The following TESK2 variants were observed in gnomAD, a reference collection of about 807,000 sequenced individuals.
The protein encoded by TESK2 is dual specificity testis-specific protein kinase 2.
Under a neutral mutation model 57.1 loss-of-function variants are expected in TESK2, and 39 were observed. That is an observed-to-expected ratio of 0.68 (90% CI 0.53 to 0.89). TESK2 has a LOEUF of 0.89. TESK2 is among the 40% of genes least tolerant of loss of function. TESK2 has a pLI of 0.00. For missense variants in TESK2, 646 were observed against 732.1 expected, an observed-to-expected ratio of 0.88 and a Z score of 1.36; for synonymous variants, 249 against 267.9, an observed-to-expected ratio of 0.93 and a Z score of 0.69.
chr1:45,466,907 T>C (rs1377618590), intron 1 of TESK2, among the ~76,000 whole-genome samples: 1 of 151,980 alleles, frequency 6.6e-6, no homozygotes, highest in African/African-American at 2.4e-5. Flanking sequence ...CACAAAGTTA[T>C]TGATTAAATG....
intron 1 of TESK2, among the ~76,000 whole-genome samples, chr1:45,482,719 C>T (rs1653280007): frequency 6.6e-6 from 1 of 150,990 alleles, no homozygotes; most frequent in Non-Finnish European, 1.5e-5. Context: ...GTTGCTCACA[C>T]CTGTAATCCA....
intron 2 of TESK2, among the ~76,000 whole-genome samples, chr1:45,452,985 G>A (rs1166312485): frequency 6.6e-6 from 1 of 151,808 alleles, no homozygotes; most frequent in Non-Finnish European, 1.5e-5. Flanking sequence ...CCAGGAGGAT[G>A]CAGTCAGCTA....
At chr1:45,373,890 T>C (rs1648303169) in intron 4 of TESK2, among the ~76,000 whole-genome samples, 1 of 152,210 alleles carries the variant, frequency 6.6e-6, no homozygotes, top group Non-Finnish European at 1.5e-5. Context: ...GATTCCAAAG[T>C]TGGAACAGCT....
intron 3 of TESK2, among the ~76,000 whole-genome samples, chr1:45,400,857 A>G (rs1006667683): frequency 4.6e-5 from 7 of 151,424 alleles, no homozygotes; most frequent in East Asian, 3.9e-4. Context: ...CCCCATCTCT[A>G]CTAAAAATAT....
At chr1:45,484,924 G>C (rs899568545) in intron 1 of TESK2, among the ~76,000 whole-genome samples, 40 of 148,906 alleles carry the variant, frequency 2.7e-4, no homozygotes, top group Non-Finnish European at 5.4e-4. Flanking sequence ...CCAGCTACTC[G>C]GGAGGCCGAG....
intron 4 of TESK2, among the ~76,000 whole-genome samples, chr1:45,356,418 G>A (rs936852186): frequency 6.6e-6 from 1 of 151,978 alleles, no homozygotes; most frequent in African/African-American, 2.4e-5. Flanking sequence ...CTTGAGCTCA[G>A]GAGTTCAGAC....
At chr1:45,487,102 T>C (rs760611245) in intron 1 of TESK2, among the ~76,000 whole-genome samples, 3 of 152,126 alleles carry the variant, frequency 2.0e-5, no homozygotes, top group Admixed American at 6.6e-5. Context: ...GTGCTGGGAT[T>C]ACAGGTGTGA....
intron 1 of TESK2, among the ~76,000 whole-genome samples, chr1:45,479,004 G>A (rs895571623): frequency 2.0e-5 from 3 of 152,122 alleles, no homozygotes; most frequent in African/African-American, 7.2e-5. Flanking sequence ...GATTACAGGG[G>A]TGAGCAACCA....
intron 3 of TESK2, chr1:45,398,831 C>A: frequency 2.6e-6 from 1 of 386,404 alleles, no homozygotes. Flanking sequence ...CATTTCTAGG[C>A]CTGTTCCATA....
chr1:45,438,362 G>A (rs1651312340), intron 2 of TESK2, among the ~76,000 whole-genome samples: 1 of 152,104 alleles, frequency 6.6e-6, no homozygotes, highest in Admixed American at 6.6e-5. Flanking sequence ...CAGGCATGGT[G>A]GTAGGCACCT....
At chr1:45,375,758 C>T (rs2149271458) in intron 4 of TESK2, among the ~76,000 whole-genome samples, 1 of 152,050 alleles carries the variant, frequency 6.6e-6, no homozygotes, top group East Asian at 1.9e-4. Flanking sequence ...TAAAGTTAAA[C>T]TTAAAAAAAA....
At chr1:45,370,805 T>A (rs774309598) in intron 4 of TESK2, among the ~76,000 whole-genome samples, 2 of 151,520 alleles carry the variant, frequency 1.3e-5, no homozygotes, top group Non-Finnish European at 2.9e-5. Context: ...AAGTGAGGAG[T>A]GAGGCCATAG....
chr1:45,417,835 C>T (rs184681010), intron 3 of TESK2, among the ~76,000 whole-genome samples: 1 of 152,256 alleles, frequency 6.6e-6, no homozygotes, highest in African/African-American at 2.4e-5. Flanking sequence ...TCGTGATCCG[C>T]CCACCTCGGC....
chr1:45,457,869 A>AC lies in TESK2; in HGVS notation c.-85dup. The AC allele has an allele frequency of 8.2e-7, 1 of 1,221,240 alleles. No individual in the cohort carries two copies. The highest frequency in any genetic ancestry group is 1.5e-5 in the African/African-American group (1 of 65,876). The allele number at this position is 1,221,240 out of a possible 1,614,324, so 75.7% of individuals were successfully genotyped here. On this transcript the variant is annotated splice_region_variant and 5_prime_UTR_variant, in exon 2 of 11. It introduces an in-frame stop codon into an upstream open reading frame of the 5' UTR. Coordinates refer to ENST00000372086, the MANE Select transcript of TESK2 (RefSeq NM_007170.3). ...TGAATTTTACTTCTCTTCTGGTTTG[A>AC]CACTAAAGAGATCAAAAAAATTTCC...
chr1:45,416,072 CT>C (rs34785518), intron 3 of TESK2, among the ~76,000 whole-genome samples: 915 of 59,232 alleles, frequency 0.015, 2 homozygotes, highest in African/African-American at 0.07. Context: ...AATCTAGAGC[CT>C]TTTTTTTTTT....
intron 1 of TESK2, among the ~76,000 whole-genome samples, chr1:45,465,546 G>A (rs927625171): frequency 6.6e-6 from 1 of 152,102 alleles, no homozygotes; most frequent in Non-Finnish European, 1.5e-5. Flanking sequence ...AAGAAAGAAA[G>A]AATGCTAATT....
chr1:45,456,817 T>C (rs780623604), intron 2 of TESK2, among the ~76,000 whole-genome samples: 2 of 152,216 alleles, frequency 1.3e-5, no homozygotes, highest in Non-Finnish European at 2.9e-5. Context: ...TTTGTAGTAA[T>C]GGAAGTCTGC....
chr1:45,434,959 C>CTTT (rs60515365), intron 2 of TESK2, among the ~76,000 whole-genome samples: 39 of 140,450 alleles, frequency 2.8e-4, no homozygotes, highest in Non-Finnish European at 5.1e-4. Flanking sequence ...ACTTTTCTTT[C>CTTT]TTTTTTTTTT....
chr1:45,439,733 T>G (rs770357327), intron 2 of TESK2, among the ~76,000 whole-genome samples: 11 of 152,076 alleles, frequency 7.2e-5, no homozygotes, highest in Non-Finnish European at 1.5e-4. Flanking sequence ...GACAGGAGAA[T>G]TGCTTGAGCC....
Sources: gnomAD v4.1 joint callset for allele counts (sites outside exome capture counted in the v4.1 genomes callset) on GRCh38, gnomAD v4.1.1 for gene constraint, MANE v1.5 for transcripts, NCBI Gene and HGNC (gene_info 2026-07-23, HGNC 2026-07-21) for gene names.